The following HEBP2 variants were observed in gnomAD, a reference collection of about 807,000 sequenced individuals.
The protein encoded by HEBP2 is heme-binding protein 2.
Under a neutral mutation model 23.1 loss-of-function variants are expected in HEBP2, and 27 were observed. That is an observed-to-expected ratio of 1.17 (90% confidence interval 0.86 to 1.61). HEBP2 has a LOEUF of 1.61. Among genes scored for constraint, HEBP2 ranks in the 40% most tolerant of loss-of-function variants. The pLI is 0.00. For synonymous variants in HEBP2, 99 were observed against 95.1 expected (o/e 1.04, Z -0.24); for missense variants, 245 against 253.8 (o/e 0.97, Z 0.24).
chr6:138,420,814 C>CA lies in HEBP2; in HGVS notation c.*7738dup, dbSNP rs1364076811. 1.3e-5 allele frequency: 2 copies of CA among 152,176 alleles called. No individual in the cohort carries two copies. Among genetic ancestry groups the CA allele is most frequent in the African/African-American group, 4.8e-5 (2 of 41,430 alleles). 9.4% of individuals were successfully genotyped at this position (152,176 alleles called of 1,614,324 possible). A position where few individuals can be genotyped will look rare whatever the true frequency, so the allele number is the denominator to read the frequency against. On this transcript the variant is annotated 3_prime_UTR_variant, in exon 4 of 4. Coordinates refer to ENST00000607197, the MANE Select transcript of HEBP2 (RefSeq NM_014320.3). ...CTTTTCCTTTCAAAGGTGCTTACTC[C>CA]AATAATAAATCCTTTGGTATTCTAA...
At chr6:138,412,449 C>CT (rs1347256257) in intron 3 of HEBP2, among the ~76,000 whole-genome samples, 2 of 152,018 alleles carry the variant, frequency 1.3e-5, no homozygotes, top group African/African-American at 4.8e-5. Flanking sequence ...GAGGGAGTAG[C>CT]TTTTTTTATT....
upstream of HEBP2, chr6:138,403,788 T>C (rs1044202900): frequency 1.0e-5 from 4 of 401,656 alleles, no homozygotes; most frequent in African/African-American, 6.2e-5. Context: ...ACTCAGAGGG[T>C]CTGGGGTCCT....
Position 138,421,456 on chromosome 6 carries a change from T to C in HEBP2, c.*8378T>C, listed in dbSNP as rs949574375. The C allele has an allele frequency of 1.3e-5, 2 of 152,186 alleles. No homozygotes were observed. Among genetic ancestry groups the C allele is most frequent in the African/African-American group, 4.8e-5 (2 of 41,432 alleles). 9.4% of individuals were successfully genotyped at this position (152,186 alleles called of 1,614,324 possible). ...AAATAGTAGGATGGCAGAAAGCAGA[T>C]CGCATTGAGGTTGTTTCCAACTGAC... On this transcript the variant is annotated 3_prime_UTR_variant, in exon 4 of 4. Coordinates refer to ENST00000607197, the MANE Select transcript of HEBP2 (RefSeq NM_014320.3).
rs1774856201 is a variant in HEBP2 at position 138,417,339 on chromosome 6, TAATA to T, written c.*4266_*4269del. ...CTCCTCCAATCAGGGCAGTAAACCA[TAATA>T]AATATTGCCTTGAACAGTATTTTTT... On this transcript the variant is annotated 3_prime_UTR_variant, in exon 4 of 4. Transcript: ENST00000607197. The T allele has an allele frequency of 1.3e-5, 2 of 152,176 alleles. No individual in the cohort carries two copies. Among genetic ancestry groups the T allele is most frequent in the Admixed American group, 1.3e-4 (2 of 15,276 alleles). 9.4% of individuals were successfully genotyped at this position (152,176 alleles called of 1,614,324 possible).
rs1234425521 is a variant in HEBP2, at chr6:138,416,260, T to C, written c.*3182T>C. 1 of 152,282 alleles carries C rather than the reference T, an allele frequency of 6.6e-6. No individual in the cohort carries two copies. The highest frequency in any genetic ancestry group is 6.5e-5 in the Admixed American group (1 of 15,280). 9.4% of individuals were successfully genotyped at this position (152,282 alleles called of 1,614,324 possible). A position where few individuals can be genotyped will look rare whatever the true frequency, so the allele number is the denominator to read the frequency against. ...AAAAATGCCAGGAGATAATACAGAC[T>C]CACTGCTCTAGGGCAGCTTGGTAGA... On this transcript the variant is annotated 3_prime_UTR_variant, in exon 4 of 4. Coordinates refer to ENST00000607197, the MANE Select transcript of HEBP2 (RefSeq NM_014320.3).
intron 3 of HEBP2, among the ~76,000 whole-genome samples, chr6:138,407,734 C>T (rs2114766594): frequency 6.6e-6 from 1 of 152,366 alleles, no homozygotes; most frequent in East Asian, 1.9e-4. Context: ...CTGGGCAGCT[C>T]CATCCTTCAA....
rs556754921 is a variant in HEBP2, at chr6:138,406,066, C to T, written c.334C>T (p.Pro112Ser). Residue 112 changes from proline (P) to serine (S), a missense_variant, in exon 3 of 4, where the codon CCC becomes TCC. Transcript: ENST00000607197. ...ESTITISLYI[P>S]SEQQFDPPRP... ...TACCATTACCATTTCCCTGTATATT[C>T]CCTCTGAACAGCAATTTGATCCACC... 1.2e-6 allele frequency: 2 copies of T among 1,614,078 alleles called. No homozygotes were observed. Among genetic ancestry groups the T allele is most frequent in the East Asian group, 4.5e-5 (2 of 44,874 alleles).
In HEBP2 at chr6:138,404,427, C is replaced by A; in HGVS notation, c.-69C>A. 9.4e-7 allele frequency: 1 copy of A among 1,059,908 alleles called. No individual in the cohort carries two copies. Among genetic ancestry groups the A allele is most frequent in the Non-Finnish European group, 1.2e-6 (1 of 838,218 alleles). The allele number at this position is 1,059,908 out of a possible 1,614,324, so 65.7% of individuals were successfully genotyped here. A position where few individuals can be genotyped will look rare whatever the true frequency, so the allele number is the denominator to read the frequency against. On this transcript the variant is annotated 5_prime_UTR_variant, in exon 1 of 4. Coordinates refer to ENST00000607197, the MANE Select transcript of HEBP2 (RefSeq NM_014320.3). Reference sequence around the variant, plus strand: ...GGGGCCTCGGCGGGGCGCGCACACGCAGGCGGGGCGGCCCGGGGTGCGGGG... The same window carrying A: ...GGGGCCTCGGCGGGGCGCGCACACGAAGGCGGGGCGGCCCGGGGTGCGGGG...
At position 138,421,478 on chromosome 6, in the gene HEBP2, T is replaced by C. The variant is rs1184050296; in HGVS notation, c.*8400T>C. 6.6e-6 allele frequency: 1 copy of C among 152,208 alleles called. No homozygotes were observed. The highest frequency in any genetic ancestry group is 1.5e-5 in the Non-Finnish European group (1 of 68,046). 9.4% of individuals were successfully genotyped at this position (152,208 alleles called of 1,614,324 possible). On this transcript the variant is annotated 3_prime_UTR_variant, in exon 4 of 4. Coordinates refer to ENST00000607197, the MANE Select transcript of HEBP2 (RefSeq NM_014320.3). Reference sequence around the variant, plus strand: ...AGATCGCATTGAGGTTGTTTCCAACTGACAGACCAAGCAGTAATTTGTTTC... The same window carrying C: ...AGATCGCATTGAGGTTGTTTCCAACCGACAGACCAAGCAGTAATTTGTTTC...
rs2128183536 is a variant in HEBP2 at position 138,419,687 on chromosome 6, T to C, written c.*6609T>C. ...TATACTTATTGAATCAGAAAGCCTG[T>C]ATGATGCTGTGTCTACAACAGGAAT... On this transcript the variant is annotated 3_prime_UTR_variant, in exon 4 of 4. Transcript: ENST00000607197. The C allele has an allele frequency of 6.6e-6, 1 of 152,262 alleles. No individual in the cohort carries two copies. The highest frequency in any genetic ancestry group is 6.5e-5 in the Admixed American group (1 of 15,286). 9.4% of individuals were successfully genotyped at this position (152,262 alleles called of 1,614,324 possible). A position where few individuals can be genotyped will look rare whatever the true frequency, so the allele number is the denominator to read the frequency against.
chr6:138,409,204 C>T (rs1309966757), intron 3 of HEBP2, among the ~76,000 whole-genome samples: 2 of 152,040 alleles, frequency 1.3e-5, no homozygotes, highest in Non-Finnish European at 1.5e-5. Context: ...TTTGTAGGGA[C>T]AGGATCTCAC....
rs1774600666 is a variant in HEBP2, at chr6:138,404,521, C to T, written c.26C>T (p.Pro9Leu). 7.6e-7 allele frequency: 1 copy of T among 1,314,036 alleles called. No individual in the cohort carries two copies. Among genetic ancestry groups the T allele is most frequent in the Non-Finnish European group, 9.7e-7 (1 of 1,031,264 alleles). The allele number at this position is 1,314,036 out of a possible 1,614,324, so 81.4% of individuals were successfully genotyped here. ...ATGGCCGAGCCGCTCCAGCCAGACC[C>T]CGGGGCGGCCGAGGACGCGGCGGCC... MAEPLQPD[P>L]GAAEDAAAQA... Residue 9 changes from proline to leucine, a missense_variant, in exon 1 of 4, where the codon CCC (proline) becomes CTC (leucine). Transcript: ENST00000607197.
At chr6:138,405,419 A>T in intron 2 of HEBP2, 139 bp downstream of exon 2, 1 of 1,062,964 alleles carries the variant, frequency 9.4e-7, no homozygotes, top group Non-Finnish European at 1.4e-6. Context: ...TTTTCAGACA[A>T]GACTCCTCAG....
rs1427738575 is a variant in HEBP2 at position 138,406,014 on chromosome 6, G to A, written c.282G>A (p.Glu94=). Residue 94 remains glutamate, a synonymous_variant, in exon 3 of 4, where the codon GAG becomes GAA. Transcript: ENST00000607197. The part of the protein sequence containing the change: ...KMTAPVTSYV[E]PGSGPFSEST... ...CAGCTCCAGTGACAAGCTACGTGGA[G>A]CCTGGTTCAGGTCCTTTTAGTGAGT... 1 of 1,613,942 alleles carries A rather than the reference G, an allele frequency of 6.2e-7. No individual in the cohort carries two copies. Among genetic ancestry groups the A allele is most frequent in the African/African-American group, 1.3e-5 (1 of 74,920 alleles).
chr6:138,420,837 T>G lies in HEBP2; in HGVS notation c.*7759T>G, dbSNP rs1774913274. The G allele has an allele frequency of 6.6e-6, 1 of 151,464 alleles. No homozygotes were observed. Among genetic ancestry groups the G allele is most frequent in the Non-Finnish European group, 1.5e-5 (1 of 67,994 alleles). 9.4% of individuals were successfully genotyped at this position (151,464 alleles called of 1,614,324 possible). A position where few individuals can be genotyped will look rare whatever the true frequency, so the allele number is the denominator to read the frequency against. On this transcript the variant is annotated 3_prime_UTR_variant, in exon 4 of 4. Transcript: ENST00000607197. ...TCCAATAATAAATCCTTTGGTATTC[T>G]AACTGTCTACTTCTTGAAGAATCTA...
Position 138,413,084 on chromosome 6 carries a change from A to G in HEBP2, c.*6A>G, listed in dbSNP as rs1259438398. 1 of 1,610,350 alleles carries G rather than the reference A, an allele frequency of 6.2e-7. No individual in the cohort carries two copies. On this transcript the variant is annotated 3_prime_UTR_variant, in exon 4 of 4. Transcript: ENST00000607197. ...CCACCAAAGAAAACGAATGAGAAAA[A>G]TGAAAGGAAGTTCTGCTGTCAGAGG...
upstream of HEBP2, among the ~76,000 whole-genome samples, chr6:138,403,881 C>T (rs1307963275): frequency 6.6e-6 from 1 of 152,222 alleles, no homozygotes; most frequent in Admixed American, 6.5e-5. Flanking sequence ...GCAAGGGACC[C>T]TGAAAGCTGT....
intron 3 of HEBP2, among the ~76,000 whole-genome samples, chr6:138,406,721 TCTC>T (rs1186820312): frequency 2.0e-5 from 3 of 152,190 alleles, no homozygotes; most frequent in African/African-American, 7.2e-5. Context: ...AAAGGCCTCA[TCTC>T]CTAATACTAT....
chr6:138,406,217 C>A, intron 3 of HEBP2, 66 bp downstream of exon 3: 2 of 1,391,632 alleles, frequency 1.4e-6, no homozygotes, highest in Non-Finnish European at 2.0e-6. Context: ...CACAGTTTAG[C>A]TCCAATGCAA....
Sources: allele counts gnomAD v4.1 joint callset (sites outside exome capture counted in the v4.1 genomes callset), GRCh38; gene constraint gnomAD v4.1.1; transcripts MANE v1.5; gene names NCBI Gene and HGNC (gene_info 2026-07-23, HGNC 2026-07-21).